The following GALK1 variants were observed in gnomAD, a reference collection of about 807,000 sequenced individuals.
The protein encoded by GALK1 is galactokinase 1, also known as galactokinase.
Under a neutral mutation model 38.6 loss-of-function variants are expected in GALK1, and 30 were observed. The observed-to-expected ratio is 0.78, with a 90% CI of 0.58 to 1.05. GALK1 has a LOEUF of 1.05. Ranked by LOEUF, GALK1 falls within the 50% of genes least tolerant of loss-of-function variation. The pLI, the probability that GALK1 is intolerant of heterozygous loss-of-function variation, is 0.00. For missense variants in GALK1, 512 were observed against 540.5 expected (o/e 0.95, Z 0.52); for synonymous variants, 240 against 233.6 (o/e 1.03, Z -0.25).
chr17:75,762,657 C>G (rs1444327459), intron 5 of GALK1, 47 bp downstream of exon 5: 1 of 1,599,690 alleles, frequency 6.3e-7, no homozygotes, highest in East Asian at 2.2e-5. Context: ...GAGGCGCCAG[C>G]AGGGAGCACA....
chr17:75,756,957 T>C (rs766047450), downstream of GALK1: 1 of 1,612,644 alleles, frequency 6.2e-7, no homozygotes, highest in East Asian at 2.2e-5. Context: ...AGCCACCGCA[T>C]TCCGGGTGGA....
At position 75,757,953 on chromosome 17, in the gene GALK1, C is replaced by T; in HGVS notation, c.*103G>A. On this transcript the variant is annotated 3_prime_UTR_variant, in exon 8 of 8. Coordinates refer to ENST00000588479, the MANE Select transcript of GALK1 (RefSeq NM_000154.2). Reference sequence around the variant, plus strand: ...GGAGGCAGGTACCACATTGGAGGCACAAGTTTATTGAGCACCCGGATATGG... The same window carrying T: ...GGAGGCAGGTACCACATTGGAGGCATAAGTTTATTGAGCACCCGGATATGG... 1 of 1,352,398 alleles carries T rather than the reference C, an allele frequency of 7.4e-7. No individual in the cohort carries two copies. Among genetic ancestry groups the T allele is most frequent in the Middle Eastern group, 2.3e-4 (1 of 4,322 alleles). The allele number at this position is 1,352,398 out of a possible 1,614,324, so 83.8% of individuals were successfully genotyped here. A position where few individuals can be genotyped will look rare whatever the true frequency, so the allele number is the denominator to read the frequency against.
At chr17:75,752,799 C>T (rs1208502365) in intron 8 of GALK1, among the ~76,000 whole-genome samples, 1 of 152,164 alleles carries the variant, frequency 6.6e-6, no homozygotes, top group Admixed American at 6.5e-5. Context: ...GAGTTCATGC[C>T]CACGGGACCA....
At chr17:75,756,805 C>T (rs766680818), downstream of GALK1, 4 of 1,612,450 alleles carry the variant, frequency 2.5e-6, no homozygotes, top group East Asian at 6.7e-5. Flanking sequence ...GCCACGGAGG[C>T]CCAATGGGGA....
downstream of GALK1, chr17:75,754,109 A>T: frequency 2.2e-6 from 1 of 461,748 alleles, no homozygotes. Context: ...CTGGGAGCAC[A>T]GCTGCTCAGA....
Position 75,762,860 on chromosome 17 carries a change from G to A in GALK1, c.637C>T (p.Leu213Phe), listed in dbSNP as rs1395826850. Residue 213 changes from leucine to phenylalanine, a missense_variant, in exon 5 of 8, where the codon CTC becomes TTC. By Grantham distance (22) the Leu-to-Phe change is conservative. Transcript: ENST00000588479. ...AGCACGGCCAGCTTGGGGTCCGAGA[G>A]TGGCACCAGGCTGGTCTCCAAGGAC... is the stretch of plus-strand genomic sequence containing the variant. ...CRSLETSLVP[L>F]SDPKLAVLIT... 1 of 1,613,440 alleles carries A rather than the reference G, an allele frequency of 6.2e-7. No individual in the cohort carries two copies. The highest frequency in any genetic ancestry group is 1.3e-5 in the African/African-American group (1 of 74,940).
At chr17:75,761,274 ATAGT>A (rs1418220792) in intron 5 of GALK1, among the ~76,000 whole-genome samples, 2 of 152,102 alleles carry the variant, frequency 1.3e-5, no homozygotes, top group African/African-American at 4.8e-5. Flanking sequence ...GTATCAGAAA[ATAGT>A]TAAGTAAATG....
At chr17:75,754,424 G>A (rs1381993377), downstream of GALK1, 4 of 890,046 alleles carry the variant, frequency 4.5e-6, no homozygotes, top group Non-Finnish European at 7.1e-6. Flanking sequence ...GGGACAGAGG[G>A]CCTCTGTCCC....
downstream of GALK1, chr17:75,756,822 C>T (rs777825472): frequency 1.2e-5 from 19 of 1,612,446 alleles, no homozygotes; most frequent in South Asian, 2.2e-5. Flanking sequence ...GGGATATCGT[C>T]GGCTACCTGG....
downstream of GALK1, chr17:75,757,472 G>A (rs1204593061): frequency 2.5e-6 from 4 of 1,612,824 alleles, no homozygotes; most frequent in Non-Finnish European, 2.5e-6. Flanking sequence ...CACCCGGCAT[G>A]TGACCCAGGA....
chr17:75,757,111 G>A (rs1353662687), downstream of GALK1: 1 of 1,612,946 alleles, frequency 6.2e-7, no homozygotes, highest in Non-Finnish European at 8.5e-7. Flanking sequence ...GATGGAGGTA[G>A]GCACCTGTCC....
In GALK1 at chr17:75,762,787, G is replaced by C. The variant is rs2061592886; in HGVS notation, c.710C>G (p.Pro237Arg). 6.2e-7 allele frequency: 1 copy of C among 1,613,816 alleles called. No homozygotes were observed. The highest frequency in any genetic ancestry group is 8.5e-7 in the Non-Finnish European group (1 of 1,180,010). ...TTCTTCACATTGGCGCCGCCGCACA[G>C]GGTACTCGCTGGAGGCCAGGGAGTG... ...VRHSLASSEY[P>R]VRRRQCEEVA... The change falls in exon 5 of 8, where the codon CCT becomes CGT. Residue 237 changes from proline (P) to arginine (R), a missense_variant. Pro to Arg is a moderately radical substitution (Grantham distance 103). Coordinates refer to ENST00000588479, the MANE Select transcript of GALK1 (RefSeq NM_000154.2).
chr17:75,757,103 T>C (rs2061530463), downstream of GALK1: 1 of 1,612,720 alleles, frequency 6.2e-7, no homozygotes, highest in Non-Finnish European at 8.5e-7. Flanking sequence ...AGTCCCAGGA[T>C]GGAGGTAGGC....
At chr17:75,759,001 G>A (rs2061572518) in intron 5 of GALK1, among the ~76,000 whole-genome samples, 2 of 152,206 alleles carry the variant, frequency 1.3e-5, no homozygotes, top group African/African-American at 2.4e-5. Flanking sequence ...CTGGAGCTGA[G>A]GCTGGAGGGG....
chr17:75,764,370 C>T (rs751142419), intron 1 of GALK1: 2 of 686,828 alleles, frequency 2.9e-6, no homozygotes, highest in East Asian at 5.9e-5. Flanking sequence ...AAACAGATCA[C>T]TGGAGCTCCA....
In GALK1 at chr17:75,758,488, G is replaced by C. The variant is rs780321574; in HGVS notation, c.905C>G (p.Ala302Gly). The C allele has an allele frequency of 2.5e-6, 4 of 1,578,060 alleles. No individual in the cohort carries two copies. Among genetic ancestry groups the C allele is most frequent in the Non-Finnish European group, 3.4e-6 (4 of 1,164,572 alleles). The change falls in exon 6 of 8, where the codon GCC becomes GGC. Residue 302 changes from alanine to glycine, a missense_variant. Coordinates refer to ENST00000588479, the MANE Select transcript of GALK1 (RefSeq NM_000154.2). The part of the protein sequence containing the change: ...AAALRRGDYR[A>G]FGRLMVESHR... ...GCTCTCCACCATGAGGCGGCCAAAG[G>C]CTCTGTAGTCGCCACGTCTCAGGGC...
In GALK1 at chr17:75,758,448, C is replaced by T. The variant is rs113464656; in HGVS notation, c.944+1G>A. The T allele has an allele frequency of 1.3e-6, 2 of 1,574,346 alleles. No individual in the cohort carries two copies. The highest frequency in any genetic ancestry group is 2.3e-5 in the East Asian group (1 of 43,038). ...GGAGCGGGGCGCCCAGAGGGCCTCACCTGAGTGAGCGGTGGCTCTCCACCA... is the reference window on the plus strand; with the variant it reads ...GGAGCGGGGCGCCCAGAGGGCCTCATCTGAGTGAGCGGTGGCTCTCCACCA... On this transcript the variant is annotated splice_donor_variant, in intron 6 of 7. Coordinates refer to ENST00000588479, the MANE Select transcript of GALK1 (RefSeq NM_000154.2). LOFTEE classifies it high-confidence loss of function.
In GALK1 at chr17:75,762,892, T is replaced by G. The variant is rs946374109; in HGVS notation, c.612-7A>C. On this transcript the variant is annotated splice_region_variant and splice_polypyrimidine_tract_variant and intron_variant, in intron 4 of 7. Transcript: ENST00000588479. ...CAGGCTGGTCTCCAAGGACCTGGGG[T>G]GGAGTTACAATGGGGGAGATGACGA... is the stretch of plus-strand genomic sequence containing the variant. 1.9e-6 allele frequency: 3 copies of G among 1,612,164 alleles called. No homozygotes were observed. The highest frequency in any genetic ancestry group is 2.5e-6 in the Non-Finnish European group (3 of 1,179,692).
downstream of GALK1, chr17:75,753,787 C>G: frequency 6.9e-7 from 1 of 1,454,816 alleles, no homozygotes; most frequent in Non-Finnish European, 9.1e-7. Flanking sequence ...AGTTCGAGCC[C>G]CTGCTGGGGG....
Sources: allele counts gnomAD v4.1 joint callset (sites outside exome capture counted in the v4.1 genomes callset), GRCh38; gene constraint gnomAD v4.1.1; transcripts MANE v1.5; gene names NCBI Gene and HGNC (gene_info 2026-07-23, HGNC 2026-07-21).